KCNN4: variants seen among roughly 807,000 people sequenced by gnomAD.
KCNN4 encodes the protein intermediate conductance calcium-activated potassium channel protein 4.
A neutral mutation model predicts 45.2 loss-of-function variants in KCNN4; 31 were observed. That is an observed-to-expected ratio of 0.69 (90% CI 0.52 to 0.92). The LOEUF is 0.92. Ranked by LOEUF, KCNN4 falls within the 40% of genes least tolerant of loss-of-function variation. KCNN4 has a pLI of 0.00. For synonymous variants in KCNN4, 231 were observed against 254.6 expected (o/e 0.91, Z 0.88); for missense variants, 463 against 574.0 (o/e 0.81, Z 1.98).
At chr19:43,780,602 G>T in intron 1 of KCNN4, 101 bp downstream of exon 1, 1 of 208,642 alleles carries the variant, frequency 4.8e-6, no homozygotes, top group South Asian at 6.6e-5. Context: ...CAGGAGTCCT[G>T]ACCCCCAGCC....
At chr19:43,771,836 T>C (rs1599674870) in intron 4 of KCNN4, among the ~76,000 whole-genome samples, 164 bp downstream of exon 4, 1 of 152,076 alleles carries the variant, frequency 6.6e-6, no homozygotes, top group Admixed American at 6.5e-5. Context: ...CAGGTGAGTA[T>C]CTTGTTCTTG....
rs1003365551 is a variant in KCNN4, at chr19:43,779,366, A to G, written c.159+1337T>C. On this transcript the variant is annotated intron_variant, in intron 1 of 8. Coordinates refer to ENST00000648319, the MANE Select transcript of KCNN4 (RefSeq NM_002250.3). ...TGGACTTCGGCGGCCCCACCCCCTCAGTGCCCGCCGCCTGCCAGAGGAAGC... is the reference window on the plus strand; with the variant it reads ...TGGACTTCGGCGGCCCCACCCCCTCGGTGCCCGCCGCCTGCCAGAGGAAGC... Among the ~76,000 whole-genome samples the G allele has an allele frequency of 9.5e-5, 14 of 147,608 alleles. 1 individual carries two copies. The highest frequency in any genetic ancestry group is 4.2e-4 in the South Asian group (2 of 4,752).
intron 8 of KCNN4, 186 bp downstream of exon 8, chr19:43,767,354 G>T: frequency 1.5e-6 from 1 of 672,394 alleles, no homozygotes; most frequent in Non-Finnish European, 2.5e-6. Flanking sequence ...AGGGGAGAGG[G>T]TACACCATCT....
intron 1 of KCNN4, among the ~76,000 whole-genome samples, chr19:43,779,335 T>A (rs1458619173): frequency 6.6e-6 from 1 of 152,132 alleles, no homozygotes; most frequent in Non-Finnish European, 1.5e-5. Context: ...ATGCTTCCTG[T>A]TGGCATGGAC....
In KCNN4 at chr19:43,774,043, A is replaced by C; in HGVS notation, c.683+149T>G. 2.3e-6 allele frequency: 2 copies of C among 853,318 alleles called. No individual in the cohort carries two copies. The highest frequency in any genetic ancestry group is 5.4e-5 in the East Asian group (2 of 37,114). 52.9% of individuals were successfully genotyped at this position (853,318 alleles called of 1,614,324 possible). A position where few individuals can be genotyped will look rare whatever the true frequency, so the allele number is the denominator to read the frequency against. ...ACCCCAGTTGATGGGAGTGTGGGCA[A>C]ATTTCAGCCAGCAAGAGGAGAAGGG... On this transcript the variant is annotated intron_variant, in intron 3 of 8. Transcript: ENST00000648319. The surrounding 1 kb of genome is among the most constrained non-coding windows in gnomAD (Gnocchi z 5.6).
At chr19:43,778,854 G>T (rs953503932) in intron 1 of KCNN4, among the ~76,000 whole-genome samples, 1 of 152,130 alleles carries the variant, frequency 6.6e-6, no homozygotes, top group African/African-American at 2.4e-5. Context: ...GCAGAAATGA[G>T]CTCATTAGAT....
chr19:43,780,492 G>T lies in KCNN4; in HGVS notation c.159+211C>A, dbSNP rs1181084002. Among the ~76,000 whole-genome samples the T allele has an allele frequency of 5.0e-4, 42 of 83,850 alleles. 1 individual carries two copies. Among genetic ancestry groups the T allele is most frequent in the African/African-American group, 1.8e-3 (37 of 20,332 alleles). 55.0% of individuals were successfully genotyped at this position (83,850 alleles called of 152,430 possible). ...TCCTCCCTCAGACCCAGGAGTCCAG[G>T]CCCTCAGTCCCTCCTCCCTCAGACC... On this transcript the variant is annotated intron_variant, in intron 1 of 8. Transcript: ENST00000648319.
At position 43,780,839 on chromosome 19, in the gene KCNN4, C is replaced by CCTTG. The variant is rs781452967; in HGVS notation, c.22_23insCAAG (p.Gly8AlafsTer56). 10 of 1,613,934 alleles carry CCTTG rather than the reference C, an allele frequency of 6.2e-6. No individual in the cohort carries two copies. On this transcript the variant is annotated frameshift_variant, in exon 1 of 9. Coordinates refer to ENST00000648319, the MANE Select transcript of KCNN4 (RefSeq NM_002250.3). LOFTEE classifies it high-confidence loss of function. ...CTTTCGGCGTCTCAAGGCCCCCAGG[C>CCTTG]CAAGCACCAGATCCCCGCCCATGGC... is the stretch of plus-strand genomic sequence containing the variant.
intron 4 of KCNN4, 40 bp downstream of exon 4, chr19:43,771,959 GT>G (rs757358410): frequency 6.4e-7 from 1 of 1,554,708 alleles, no homozygotes; most frequent in Non-Finnish European, 8.7e-7. Context: ...AGGATGACCA[GT>G]TTGGGATAGG....
chr19:43,767,448 C>G (rs1969510790), intron 8 of KCNN4, 92 bp downstream of exon 8: 7 of 1,459,864 alleles, frequency 4.8e-6, no homozygotes, highest in Non-Finnish European at 6.4e-6. Context: ...CCTTGTCTCC[C>G]AGCCATCCCC....
rs115011722 is a variant in KCNN4 at position 43,773,824 on chromosome 19, C to A, written c.683+368G>T. 5.7e-4 allele frequency among the ~76,000 whole-genome samples: 87 copies of A among 152,312 alleles called. 1 individual carries two copies. Among genetic ancestry groups the A allele is most frequent in the African/African-American group, 1.9e-3 (81 of 41,562 alleles). On this transcript the variant is annotated intron_variant, in intron 3 of 8. Transcript: ENST00000648319. ...CGTGCTAATTGGGAAAATATGTCTC[C>A]TTCCTCCAAGGCAGAGGCAACCCTT...
In KCNN4 at chr19:43,774,729, A is replaced by G. The variant is rs1189301716; in HGVS notation, c.256-110T>C. ...GATAAGTGGGGTGTGCCGCCTGGCC[A>G]GGAGGGAGGGAGTGCAGGGCGGGAG... On this transcript the variant is annotated intron_variant, in intron 2 of 8. Transcript: ENST00000648319. This position sits in a 1 kb window ranked among gnomAD's most constrained non-coding sequence, Gnocchi z 5.6. The G allele has an allele frequency of 1.7e-5, 15 of 866,496 alleles. No individual in the cohort carries two copies. Among genetic ancestry groups the G allele is most frequent in the East Asian group, 1.2e-4 (4 of 32,420 alleles). 53.7% of individuals were successfully genotyped at this position (866,496 alleles called of 1,614,324 possible). A position where few individuals can be genotyped will look rare whatever the true frequency, so the allele number is the denominator to read the frequency against.
Position 43,774,857 on chromosome 19 carries a change from T to C in KCNN4, c.256-238A>G, listed in dbSNP as rs1030361151. ...CTAGTTTCAGCCCACTTCCAGCCTTTGAACACTGACTGAGCGCCGACTGTG... is the reference window on the plus strand; with the variant it reads ...CTAGTTTCAGCCCACTTCCAGCCTTCGAACACTGACTGAGCGCCGACTGTG... On this transcript the variant is annotated intron_variant, in intron 2 of 8. Transcript: ENST00000648319. The surrounding 1 kb of genome is among the most constrained non-coding windows in gnomAD (Gnocchi z 5.6). Among the ~76,000 whole-genome samples, 1 of 152,174 alleles carries C rather than the reference T, an allele frequency of 6.6e-6. No homozygotes were observed. The highest frequency in any genetic ancestry group is 1.5e-5 in the Non-Finnish European group (1 of 68,026).
Position 43,775,754 on chromosome 19 carries a change from G to T in KCNN4, c.255+787C>A, listed in dbSNP as rs1807483921. On this transcript the variant is annotated intron_variant, in intron 2 of 8. Transcript: ENST00000648319. ...TGTGTCTGGGTGAGACCCAAGGTGG[G>T]GTATGGATGGGGAGAGCTCCTGGGT... is the stretch of plus-strand genomic sequence containing the variant. Among the ~76,000 whole-genome samples, 3 of 152,164 alleles carry T rather than the reference G, an allele frequency of 2.0e-5. No homozygotes were observed. In the South Asian group the frequency reaches 6.2e-4, roughly 32 times the overall value.
In KCNN4 at chr19:43,774,746, G is replaced by T; in HGVS notation, c.256-127C>A. On this transcript the variant is annotated intron_variant, in intron 2 of 8. Coordinates refer to ENST00000648319, the MANE Select transcript of KCNN4 (RefSeq NM_002250.3). This position sits in a 1 kb window ranked among gnomAD's most constrained non-coding sequence, Gnocchi z 5.6. ...GCCTGGCCAGGAGGGAGGGAGTGCA[G>T]GGCGGGAGAGGGATAGGGAGGGAGC... The T allele has an allele frequency of 1.4e-6, 1 of 707,192 alleles. No homozygotes were observed. The highest frequency in any genetic ancestry group is 2.2e-6 in the Non-Finnish European group (1 of 459,856). The allele number at this position is 707,192 out of a possible 1,614,324, so 43.8% of individuals were successfully genotyped here.
chr19:43,769,305 G>A lies in KCNN4; in HGVS notation c.1049+137C>T, dbSNP rs1235897028. The A allele has an allele frequency of 1.3e-6, 1 of 744,020 alleles. No individual in the cohort carries two copies. The highest frequency in any genetic ancestry group is 1.6e-5 in the South Asian group (1 of 63,878). The allele number at this position is 744,020 out of a possible 1,614,324, so 46.1% of individuals were successfully genotyped here. A position where few individuals can be genotyped will look rare whatever the true frequency, so the allele number is the denominator to read the frequency against. The stretch of plus-strand genomic sequence containing the variant: ...GAGTCATGCACGGTCAGATCCAGGT[G>A]AGACCTGGATGTTGAGTGAGACCAC... On this transcript the variant is annotated intron_variant, in intron 6 of 8. Coordinates refer to ENST00000648319, the MANE Select transcript of KCNN4 (RefSeq NM_002250.3). This position sits in a 1 kb window ranked among gnomAD's most constrained non-coding sequence, Gnocchi z 4.4.
chr19:43,775,559 T>A (rs1461418463), intron 2 of KCNN4, among the ~76,000 whole-genome samples: 8 of 152,176 alleles, frequency 5.3e-5, no homozygotes, highest in Admixed American at 5.2e-4. Context: ...GATAAGATGA[T>A]AATGTGCACT....
At chr19:43,778,736 C>T (rs1369319824) in intron 1 of KCNN4, among the ~76,000 whole-genome samples, 1 of 152,164 alleles carries the variant, frequency 6.6e-6, no homozygotes, top group Non-Finnish European at 1.5e-5. Context: ...TCCTCCACCC[C>T]ACCTGGTGCT....
Position 43,769,295 on chromosome 19 carries a change from A to G in KCNN4, c.1049+147T>C. 1.4e-6 allele frequency: 1 copy of G among 723,116 alleles called. No homozygotes were observed. The highest frequency in any genetic ancestry group is 1.6e-5 in the South Asian group (1 of 62,282). The allele number at this position is 723,116 out of a possible 1,614,324, so 44.8% of individuals were successfully genotyped here. A position where few individuals can be genotyped will look rare whatever the true frequency, so the allele number is the denominator to read the frequency against. On this transcript the variant is annotated intron_variant, in intron 6 of 8. Transcript: ENST00000648319. The surrounding 1 kb of genome is among the most constrained non-coding windows in gnomAD (Gnocchi z 4.4). ...CAGACACATAGAGTCATGCACGGTC[A>G]GATCCAGGTGAGACCTGGATGTTGA...
Sources: allele counts gnomAD v4.1 joint callset (sites outside exome capture counted in the v4.1 genomes callset), GRCh38; gene constraint gnomAD v4.1.1; non-coding constraint Gnocchi (gnomAD v3.1); transcripts MANE v1.5; gene names NCBI Gene and HGNC (gene_info 2026-07-23, HGNC 2026-07-21).